KCTD8: variants seen among roughly 807,000 people sequenced by gnomAD.
KCTD8 encodes BTB/POZ domain-containing protein KCTD8.
A neutral mutation model predicts 31.5 loss-of-function variants in KCTD8; 27 were observed. The observed-to-expected ratio is 0.86, with a 90% CI of 0.63 to 1.18. KCTD8 has a LOEUF of 1.18. Ranked by LOEUF, KCTD8 falls within the 50% of genes most tolerant of loss-of-function variation. The pLI is 0.00. For synonymous variants in KCTD8, 290 were observed against 280.0 expected, an observed-to-expected ratio of 1.04 and a Z score of -0.36; for missense variants, 658 against 647.7, an observed-to-expected ratio of 1.02 and a Z score of -0.17.
intron 1 of KCTD8, among the ~76,000 whole-genome samples, chr4:44,318,028 C>T (rs1368853215): frequency 2.6e-5 from 4 of 152,212 alleles, no homozygotes; most frequent in Non-Finnish European, 4.4e-5. Context: ...TTTGCATTTG[C>T]TGACTCTGAA....
chr4:44,347,807 C>T (rs575657751), intron 1 of KCTD8, among the ~76,000 whole-genome samples: 47 of 152,178 alleles, frequency 3.1e-4, no homozygotes, highest in Admixed American at 9.8e-4. Flanking sequence ...ATGCATAAAA[C>T]GGAATCATGC....
intron 1 of KCTD8, among the ~76,000 whole-genome samples, chr4:44,208,691 A>C (rs1400633938): frequency 2.0e-5 from 3 of 152,144 alleles, no homozygotes; most frequent in Non-Finnish European, 4.4e-5. Context: ...TTGCTCATAT[A>C]CTGCCCTGCC....
intron 1 of KCTD8, among the ~76,000 whole-genome samples, chr4:44,237,637 G>C (rs370436047): frequency 6.2e-4 from 94 of 152,248 alleles, no homozygotes; most frequent in African/African-American, 2.1e-3. Flanking sequence ...GGAGAAAAGA[G>C]GAATTATGTT....
intron 1 of KCTD8, among the ~76,000 whole-genome samples, chr4:44,436,432 GA>G (rs375428904): frequency 6.4e-4 from 97 of 151,652 alleles, no homozygotes; most frequent in African/African-American, 2.3e-3. Context: ...TATATTAACA[GA>G]AAAAAAGACA....
At chr4:44,267,365 T>C (rs1018164943) in intron 1 of KCTD8, among the ~76,000 whole-genome samples, 20 of 152,226 alleles carry the variant, frequency 1.3e-4, no homozygotes, top group African/African-American at 4.8e-4. Flanking sequence ...AGACACAACA[T>C]ACCAGAATCT....
At chr4:44,434,481 G>C (rs1721594295) in intron 1 of KCTD8, among the ~76,000 whole-genome samples, 1 of 151,712 alleles carries the variant, frequency 6.6e-6, no homozygotes, top group Non-Finnish European at 1.5e-5. Context: ...AAGGAAATAG[G>C]GTATAAATGC....
At chr4:44,315,259 T>G (rs1384162975) in intron 1 of KCTD8, among the ~76,000 whole-genome samples, 1 of 152,076 alleles carries the variant, frequency 6.6e-6, no homozygotes, top group African/African-American at 2.4e-5. Context: ...AATTAGCTCC[T>G]TAAGCTCTAT....
intron 1 of KCTD8, among the ~76,000 whole-genome samples, chr4:44,350,908 CA>C (rs1223963974): frequency 2.6e-5 from 4 of 152,120 alleles, no homozygotes; most frequent in Non-Finnish European, 5.9e-5. Flanking sequence ...AGACGTTCGT[CA>C]AAATTACATG....
At chr4:44,267,058 T>C (rs1403685738) in intron 1 of KCTD8, among the ~76,000 whole-genome samples, 7 of 152,172 alleles carry the variant, frequency 4.6e-5, no homozygotes, top group Admixed American at 2.0e-4. Context: ...TAGACATCTA[T>C]AGAACTCTCC....
intron 1 of KCTD8, among the ~76,000 whole-genome samples, chr4:44,409,256 A>AGGAGGAAGGAAGGAAGGGAG (rs1720895623): frequency 6.6e-6 from 1 of 151,420 alleles, no homozygotes; most frequent in East Asian, 2.0e-4. Flanking sequence ...AAGGGAAGAA[A>AGGAGGAAGGAAGGAAGGGAG]GGAGGAAGGA....
chr4:44,442,774 TAC>T (rs1553908576), intron 1 of KCTD8, among the ~76,000 whole-genome samples: 5 of 147,226 alleles, frequency 3.4e-5, no homozygotes, highest in Non-Finnish European at 3.0e-5. Context: ...AACTAAGGTA[TAC>T]ACACACACAC....
intron 1 of KCTD8, among the ~76,000 whole-genome samples, chr4:44,187,825 C>A (rs959445494): frequency 6.6e-6 from 1 of 152,022 alleles, no homozygotes; most frequent in African/African-American, 2.4e-5. Context: ...CTGTGTATAA[C>A]AAATTTATAT....
chr4:44,373,617 T>TACAAA (rs1220267474), intron 1 of KCTD8, among the ~76,000 whole-genome samples: 2 of 150,452 alleles, frequency 1.3e-5, no homozygotes, highest in African/African-American at 5.0e-5. Flanking sequence ...AGTTTAGTTG[T>TACAAA]TTTTAATTAT....
chr4:44,264,577 G>A (rs1051501501), intron 1 of KCTD8, among the ~76,000 whole-genome samples: 6 of 152,188 alleles, frequency 3.9e-5, no homozygotes, highest in African/African-American at 9.6e-5. Flanking sequence ...CCGAAGCAAG[G>A]CGAGGCATTG....
intron 1 of KCTD8, among the ~76,000 whole-genome samples, chr4:44,366,421 C>G (rs950525109): frequency 1.3e-5 from 2 of 152,118 alleles, no homozygotes; most frequent in African/African-American, 4.8e-5. Flanking sequence ...TGGCACTTCC[C>G]CCTTCGCTCT....
chr4:44,211,609 A>C (rs913500738), intron 1 of KCTD8, among the ~76,000 whole-genome samples: 1 of 152,122 alleles, frequency 6.6e-6, no homozygotes, highest in South Asian at 2.1e-4. Flanking sequence ...TTGTTATTAT[A>C]AACAGTGCTT....
At chr4:44,362,488 C>T (rs1035749224) in intron 1 of KCTD8, among the ~76,000 whole-genome samples, 2 of 151,968 alleles carry the variant, frequency 1.3e-5, no homozygotes, top group African/African-American at 4.8e-5. Context: ...AGAATGGCTC[C>T]TATAATAATA....
intron 1 of KCTD8, among the ~76,000 whole-genome samples, chr4:44,310,815 T>C (rs1717929398): frequency 6.6e-6 from 1 of 152,156 alleles, no homozygotes; most frequent in Non-Finnish European, 1.5e-5. Flanking sequence ...ATAAGAAATC[T>C]GTTTTTATTT....
Position 44,174,684 on chromosome 4 carries a change from G to T in KCTD8, c.*106C>A, listed in dbSNP as rs1344459808. The stretch of plus-strand genomic sequence containing the variant: ...GTCCCACATCCACTGTTCACAACAA[G>T]GAAGAGCAGCAAGAATCACACTGAC... On this transcript the variant is annotated 3_prime_UTR_variant, in exon 2 of 2. Coordinates refer to ENST00000360029, the MANE Select transcript of KCTD8 (RefSeq NM_198353.3). The T allele has an allele frequency of 2.4e-6, 2 of 833,450 alleles. No individual in the cohort carries two copies. The highest frequency in any genetic ancestry group is 1.9e-6 in the Non-Finnish European group (1 of 526,272). The allele number at this position is 833,450 out of a possible 1,614,324, so 51.6% of individuals were successfully genotyped here. A position where few individuals can be genotyped will look rare whatever the true frequency, so the allele number is the denominator to read the frequency against.
Sources: gnomAD v4.1 joint callset for allele counts (sites outside exome capture counted in the v4.1 genomes callset) on GRCh38, gnomAD v4.1.1 for gene constraint, MANE v1.5 for transcripts, NCBI Gene and HGNC (gene_info 2026-07-23, HGNC 2026-07-21) for gene names.